Variants in DHRS9 observed in about 807,000 individuals in gnomAD.
The protein encoded by DHRS9 is dehydrogenase/reductase 9, also known as dehydrogenase/reductase SDR family member 9.
Under a neutral mutation model 26.6 loss-of-function variants are expected in DHRS9, and 18 were observed. The observed-to-expected ratio is 0.68, with a 90% CI of 0.47 to 1.00. The LOEUF (loss-of-function observed/expected upper bound fraction) is 1.00, where lower values mean the gene tolerates loss of function less well. Ranked by LOEUF, DHRS9 falls within the 50% of genes least tolerant of loss-of-function variation. DHRS9 has a pLI of 0.00. For missense variants in DHRS9, 425 were observed against 378.7 expected (o/e 1.12, Z -1.01); for synonymous variants, 134 against 141.1 (o/e 0.95, Z 0.36).
chr2:169,090,759 C>T (rs1288497399), intron 3 of DHRS9, among the ~76,000 whole-genome samples: 2 of 152,162 alleles, frequency 1.3e-5, no homozygotes, highest in South Asian at 2.1e-4. Flanking sequence ...TTAAACATGA[C>T]TTTTCAACTT....
At position 169,081,835 on chromosome 2, in the gene DHRS9, C is replaced by G; in HGVS notation, c.254C>G (p.Thr85Ser). ...CTTCGTACTGTGCTTCTGGATGTGACCGACCCAGAGAATGTCAAGAGGACT... is the reference window on the plus strand; with the variant it reads ...CTTCGTACTGTGCTTCTGGATGTGAGCGACCCAGAGAATGTCAAGAGGACT... ...ERLRTVLLDVTDPENVKRTAQ... is the reference protein window; with the variant it reads ...ERLRTVLLDVSDPENVKRTAQ... Residue 85 changes from threonine to serine, a missense_variant, in exon 2 of 5, where the codon ACC becomes AGC. Thr to Ser is a moderately conservative substitution (Grantham distance 58, BLOSUM62 1). Coordinates refer to ENST00000674881, the MANE Select transcript of DHRS9 (RefSeq NM_001376924.1). The G allele has an allele frequency of 6.2e-7, 1 of 1,613,848 alleles. No homozygotes were observed. Among genetic ancestry groups the G allele is most frequent in the Non-Finnish European group, 8.5e-7 (1 of 1,179,924 alleles).
intron 1 of DHRS9, 127 bp from the exon 2 acceptor site, chr2:169,081,396 A>G: frequency 4.9e-6 from 6 of 1,221,576 alleles, no homozygotes; most frequent in Non-Finnish European, 6.5e-6. Context: ...ACCAAATAAG[A>G]GTTATTGTTT....
intron 4 of DHRS9, among the ~76,000 whole-genome samples, chr2:169,093,261 C>T (rs1306783857): frequency 1.3e-5 from 2 of 152,034 alleles, no homozygotes; most frequent in African/African-American, 4.8e-5. Flanking sequence ...CAAGGCAGAG[C>T]TGAAAGCCAA....
chr2:169,071,051 G>A (rs1451304153), intron 1 of DHRS9, among the ~76,000 whole-genome samples: 2 of 151,056 alleles, frequency 1.3e-5, no homozygotes, highest in African/African-American at 2.4e-5. Flanking sequence ...GCGACAGAGC[G>A]AGACTCCGTC....
chr2:169,081,644 A>T lies in DHRS9; in HGVS notation c.63A>T (p.Lys21Asn), dbSNP rs1190379525. ...LCGFLWTRKG[K>N]LKIEDITDKY... ...GTTTTCTGTGGACTCGTAAAGGAAA[A>T]CTAAAGATTGAAGACATCACTGATA... The change falls in exon 2 of 5, where the codon AAA becomes AAT. Residue 21 changes from lysine to asparagine, a missense_variant. By Grantham distance (94) the Lys-to-Asn change is moderately conservative. Coordinates refer to ENST00000674881, the MANE Select transcript of DHRS9 (RefSeq NM_001376924.1). 3 of 1,614,062 alleles carry T rather than the reference A, an allele frequency of 1.9e-6. No homozygotes were observed. In the African/African-American group the frequency reaches 4.0e-5, roughly 22 times the overall value.
chr2:169,095,006 C>A (rs1207663292), intron 4 of DHRS9, among the ~76,000 whole-genome samples: 1 of 152,120 alleles, frequency 6.6e-6, no homozygotes, highest in Non-Finnish European at 1.5e-5. Flanking sequence ...TATACAAGTG[C>A]ACAATTACAT....
chr2:169,087,800 G>A (rs933042681), intron 3 of DHRS9, among the ~76,000 whole-genome samples: 2 of 152,128 alleles, frequency 1.3e-5, no homozygotes, highest in Admixed American at 1.3e-4. Context: ...GGTAGGGCCT[G>A]GAATAGGGGC....
upstream of DHRS9, among the ~76,000 whole-genome samples, chr2:169,067,422 G>GA (rs1683676168): frequency 6.6e-6 from 1 of 152,004 alleles, no homozygotes; most frequent in South Asian, 2.1e-4. Context: ...GAAAGGGGTG[G>GA]AGAAGATACT....
chr2:169,083,108 A>G (rs745826843), intron 2 of DHRS9, among the ~76,000 whole-genome samples: 22 of 152,218 alleles, frequency 1.4e-4, no homozygotes, highest in Non-Finnish European at 2.9e-4. Flanking sequence ...AGTATTTGAC[A>G]TTCAGAACCA....
At chr2:169,088,880 C>T (rs1167834075) in intron 3 of DHRS9, among the ~76,000 whole-genome samples, 1 of 152,226 alleles carries the variant, frequency 6.6e-6, no homozygotes, top group African/African-American at 2.4e-5. Flanking sequence ...CAGTACCACC[C>T]TATTTAAACC....
intron 3 of DHRS9, 120 bp downstream of exon 3, chr2:169,083,707 T>G (rs1036058707): frequency 6.3e-5 from 75 of 1,193,156 alleles, no homozygotes; most frequent in Non-Finnish European, 8.3e-5. Flanking sequence ...CTCTAATTTT[T>G]GTGGGTACAT....
intron 1 of DHRS9, chr2:169,074,206 CA>C (rs570337493): frequency 6.6e-6 from 6 of 906,692 alleles, no homozygotes; most frequent in Non-Finnish European, 7.9e-6. Flanking sequence ...GACATTAGGT[CA>C]CTTCACCCAG....
At chr2:169,093,709 A>G (rs751861666) in intron 4 of DHRS9, among the ~76,000 whole-genome samples, 20 of 152,184 alleles carry the variant, frequency 1.3e-4, no homozygotes, top group Non-Finnish European at 2.1e-4. Context: ...TCAGTTTTAC[A>G]CTGGTTGTTC....
upstream of DHRS9, chr2:169,067,078 T>C: frequency 1.3e-6 from 2 of 1,521,092 alleles, no homozygotes; most frequent in East Asian, 2.5e-5. Context: ...GAAGTCTTCA[T>C]AGCAGCTTAT....
chr2:169,081,727 T>C lies in DHRS9; in HGVS notation c.146T>C (p.Phe49Ser). The C allele has an allele frequency of 1.2e-6, 2 of 1,614,156 alleles. No homozygotes were observed. Among genetic ancestry groups the C allele is most frequent in the Non-Finnish European group, 8.5e-7 (1 of 1,180,022 alleles). The change falls in exon 2 of 5, where the codon TTT becomes TCT. Residue 49 changes from phenylalanine (F) to serine (S), a missense_variant. By Grantham distance (155) the Phe-to-Ser change is radical (BLOSUM62 -2). Transcript: ENST00000674881. ...TTTGGAAACTTGGCAGCCAGAACTTTTGATAAAAAGGGATTTCATGTAATC... is the reference window on the plus strand; with the variant it reads ...TTTGGAAACTTGGCAGCCAGAACTTCTGATAAAAAGGGATTTCATGTAATC... ...SGFGNLAART[F>S]DKKGFHVIAA... is the part of the protein sequence containing the mutation.
chr2:169,088,402 T>C (rs1684418599), intron 3 of DHRS9, among the ~76,000 whole-genome samples: 2 of 152,336 alleles, frequency 1.3e-5, no homozygotes, highest in South Asian at 2.1e-4. Context: ...TTCAAGACTG[T>C]CTTTCCTACC....
chr2:169,084,650 A>C (rs959035915), intron 3 of DHRS9, among the ~76,000 whole-genome samples: 3 of 152,030 alleles, frequency 2.0e-5, no homozygotes, highest in African/African-American at 7.2e-5. Context: ...AGAAATATCT[A>C]CTCAGATCTT....
chr2:169,068,618 G>A (rs1308474219), upstream of DHRS9, among the ~76,000 whole-genome samples: 1 of 152,118 alleles, frequency 6.6e-6, no homozygotes, highest in South Asian at 2.1e-4. Flanking sequence ...AAAGAAAAAA[G>A]ACCACTACTT....
At chr2:169,089,994 G>C (rs1684470495) in intron 3 of DHRS9, among the ~76,000 whole-genome samples, 1 of 152,220 alleles carries the variant, frequency 6.6e-6, no homozygotes, top group African/African-American at 2.4e-5. Flanking sequence ...TATGTAATTA[G>C]AGATTTACTC....
Sources: allele counts gnomAD v4.1 joint callset (sites outside exome capture counted in the v4.1 genomes callset), GRCh38; gene constraint gnomAD v4.1.1; transcripts MANE v1.5; gene names NCBI Gene and HGNC (gene_info 2026-07-23, HGNC 2026-07-21).